CDH23: variants seen among roughly 807,000 people sequenced by gnomAD.
The protein encoded by CDH23 is cadherin-23.
Under a neutral mutation model 317.1 loss-of-function variants are expected in CDH23, and 189 were observed. That is an observed-to-expected ratio of 0.60 (90% CI 0.53 to 0.67). CDH23 has a LOEUF of 0.67. CDH23 is among the 30% of genes least tolerant of loss of function. CDH23 has a pLI of 0.00. For missense variants in CDH23, 4,401 were observed against 4,592.4 expected (o/e 0.96, Z 1.20); for synonymous variants, 1,839 against 1,876.8 (o/e 0.98, Z 0.52).
At position 71,478,137 on chromosome 10, in the gene CDH23, A is replaced by C. The variant is rs369452095; in HGVS notation, c.145+31742A>C. ...CATGTCTGCCAAAAGAATCTTCTAA[A>C]AGTACAAAAGAAGCCAGGTTATCCT... On this transcript the variant is annotated intron_variant, in intron 3 of 69. Transcript: ENST00000224721. 8.5e-5 allele frequency among the ~76,000 whole-genome samples: 13 copies of C among 152,358 alleles called. No individual in the cohort carries two copies. In the East Asian group the frequency reaches 1.2e-3, roughly 14 times the overall value.
chr10:71,809,747 G>C, intron 60 of CDH23, 73 bp from the exon 61 acceptor site: 1 of 1,563,544 alleles, frequency 6.4e-7, no homozygotes, highest in Non-Finnish European at 8.7e-7. Context: ...ACCTACCCCA[G>C]GGCTCATGCC....
chr10:71,689,169 AGGGGTGGTAG>A (rs1865083973), intron 19 of CDH23, among the ~76,000 whole-genome samples: 1 of 141,096 alleles, frequency 7.1e-6, no homozygotes, highest in African/African-American at 2.6e-5. Flanking sequence ...TGGTGGAGTC[AGGGGTGGTAG>A]AGTCAGGGGT....
intron 9 of CDH23, among the ~76,000 whole-genome samples, chr10:71,601,958 C>CGGTG (rs1351067491): frequency 1.1e-5 from 1 of 90,854 alleles, no homozygotes; most frequent in African/African-American, 3.9e-5. Flanking sequence ...GGGTGGGCGG[C>CGGTG]GGAGGGGGGG....
intron 3 of CDH23, among the ~76,000 whole-genome samples, chr10:71,460,374 C>T (rs1850918827): frequency 4.6e-5 from 7 of 152,254 alleles, no homozygotes; most frequent in African/African-American, 1.7e-4. Flanking sequence ...ACAGCACCGC[C>T]TGTGGGCCCT....
rs556142899 is a variant in CDH23 at position 71,630,176 on chromosome 10, T to G, written c.1134+12783T>G. On this transcript the variant is annotated intron_variant, in intron 11 of 69. Coordinates refer to ENST00000224721, the MANE Select transcript of CDH23 (RefSeq NM_022124.6). ...AGCTGGGACTACAGGCACATGCCAC[T>G]GTGCCTAGCTAATTTTTAAACTTTT... Among the ~76,000 whole-genome samples, 2 of 152,262 alleles carry G rather than the reference T, an allele frequency of 1.3e-5. 1 individual carries two copies. Among genetic ancestry groups the G allele is most frequent in the South Asian group, 4.1e-4 (2 of 4,824 alleles).
chr10:71,769,911 C>T (rs1332130803), intron 38 of CDH23, among the ~76,000 whole-genome samples: 4 of 152,230 alleles, frequency 2.6e-5, no homozygotes, highest in Non-Finnish European at 4.4e-5. Context: ...CCAAGATAAG[C>T]AAACCCAGGG....
chr10:71,745,347 G>C (rs1014957240), intron 38 of CDH23, among the ~76,000 whole-genome samples: 2 of 152,190 alleles, frequency 1.3e-5, no homozygotes, highest in African/African-American at 2.4e-5. Context: ...CTGCACAAAG[G>C]CTGAAGAGCA....
At chr10:71,658,726 A>G (rs970022406) in intron 14 of CDH23, among the ~76,000 whole-genome samples, 3 of 152,102 alleles carry the variant, frequency 2.0e-5, no homozygotes, top group African/African-American at 7.2e-5. Flanking sequence ...GGCGTGTCCC[A>G]GGCCAGCCAG....
chr10:71,645,720 C>T lies in CDH23; in HGVS notation c.1141-111C>T, dbSNP rs553666017. On this transcript the variant is annotated intron_variant, in intron 12 of 69. Transcript: ENST00000224721. Reference sequence around the variant, plus strand: ...TGTCCCAGCGCCTCATCCATTGCCCCAACCAAAGCAGCTCTGGGCTCACTC... The same window carrying T: ...TGTCCCAGCGCCTCATCCATTGCCCTAACCAAAGCAGCTCTGGGCTCACTC... 2.3e-6 allele frequency: 3 copies of T among 1,291,998 alleles called. No homozygotes were observed. In the East Asian group the frequency reaches 7.1e-5, roughly 30 times the overall value. The allele number at this position is 1,291,998 out of a possible 1,614,324, so 80.0% of individuals were successfully genotyped here.
intron 16 of CDH23, among the ~76,000 whole-genome samples, chr10:71,678,649 G>C (rs1864476105): frequency 1.3e-5 from 2 of 152,300 alleles, no homozygotes; most frequent in Non-Finnish European, 2.9e-5. Flanking sequence ...TGCCCTCCCT[G>C]CTCAGCTCCA....
At chr10:71,806,851 C>G (rs1392858222) in intron 57 of CDH23, among the ~76,000 whole-genome samples, 1 of 152,218 alleles carries the variant, frequency 6.6e-6, no homozygotes, top group East Asian at 1.9e-4. Flanking sequence ...AGCCACTACG[C>G]CCCGCCCAGC....
chr10:71,470,075 T>TC (rs1174593229), intron 3 of CDH23, among the ~76,000 whole-genome samples: 2 of 152,156 alleles, frequency 1.3e-5, no homozygotes, highest in Non-Finnish European at 2.9e-5. Context: ...GCTCATGTGA[T>TC]CCTCCCACCT....
chr10:71,795,352 G>A (rs1431052760), intron 48 of CDH23, among the ~76,000 whole-genome samples: 1 of 152,124 alleles, frequency 6.6e-6, no homozygotes, highest in East Asian at 1.9e-4. Context: ...ACTAGGAGAA[G>A]TTAGATAGAA....
intron 28 of CDH23, chr10:71,716,560 G>A (rs1866253071): frequency 2.2e-6 from 1 of 453,740 alleles, no homozygotes. Flanking sequence ...CCAAGCTCAG[G>A]CCCTCTTCCT....
At chr10:71,645,040 C>G (rs1219592892) in intron 12 of CDH23, among the ~76,000 whole-genome samples, 4 of 152,250 alleles carry the variant, frequency 2.6e-5, no homozygotes, top group Non-Finnish European at 5.9e-5. Flanking sequence ...AGACTTCAGT[C>G]ACATCACATG....
intron 9 of CDH23, among the ~76,000 whole-genome samples, chr10:71,596,333 T>C (rs1188845072): frequency 6.6e-6 from 1 of 152,064 alleles, no homozygotes; most frequent in Non-Finnish European, 1.5e-5. Context: ...TAACATAACA[T>C]GTAGGGTCAT....
intron 28 of CDH23, chr10:71,715,838 G>T: frequency 8.1e-7 from 1 of 1,233,536 alleles, no homozygotes; most frequent in Non-Finnish European, 1.1e-6. Flanking sequence ...AGACTGCTTG[G>T]GCCACTGTCT....
Position 71,510,238 on chromosome 10 carries a change from A to G in CDH23, c.288+14A>G. Reference sequence around the variant, plus strand: ...CTGGACAGAGAGGTATGACTTGCCCATACCCCTGCCCCAATTCTCTCCTGG... The same window carrying G: ...CTGGACAGAGAGGTATGACTTGCCCGTACCCCTGCCCCAATTCTCTCCTGG... On this transcript the variant is annotated intron_variant, in intron 4 of 69. Coordinates refer to ENST00000224721, the MANE Select transcript of CDH23 (RefSeq NM_022124.6). 6.2e-7 allele frequency: 1 copy of G among 1,611,862 alleles called. No individual in the cohort carries two copies. Among genetic ancestry groups the G allele is most frequent in the Non-Finnish European group, 8.5e-7 (1 of 1,179,098 alleles).
chr10:71,469,071 C>T (rs2132081170), intron 3 of CDH23, among the ~76,000 whole-genome samples: 1 of 152,344 alleles, frequency 6.6e-6, no homozygotes, highest in African/African-American at 2.4e-5. Flanking sequence ...CCTGTATCTC[C>T]CTCTACCACT....
Sources: allele counts gnomAD v4.1 joint callset (sites outside exome capture counted in the v4.1 genomes callset), GRCh38; gene constraint gnomAD v4.1.1; transcripts MANE v1.5; gene names NCBI Gene and HGNC (gene_info 2026-07-23, HGNC 2026-07-21).